RALYL: variants seen among roughly 807,000 people sequenced by gnomAD.
RALYL encodes the protein RNA-binding Raly-like protein.
In RALYL, 29 loss-of-function variants were observed where a neutral mutation model predicts 35.1. The ratio of observed to expected loss-of-function variants is 0.83; its 90% CI spans 0.61 to 1.13. The LOEUF is 1.13. Ranked by LOEUF, RALYL falls within the 50% of genes most tolerant of loss-of-function variation. RALYL has a pLI of 0.00. For synonymous variants in RALYL, 120 were observed against 127.6 expected (o/e 0.94, Z 0.40); for missense variants, 359 against 360.4 (o/e 1.00, Z 0.03).
At chr8:84,763,584 T>A (rs747731424) in intron 2 of RALYL, among the ~76,000 whole-genome samples, 11 of 152,198 alleles carry the variant, frequency 7.2e-5, no homozygotes, top group Non-Finnish European at 1.5e-4. Flanking sequence ...AGGAGGCTAC[T>A]GGTGAACACT....
intron 1 of RALYL, among the ~76,000 whole-genome samples, chr8:84,193,521 G>A (rs1814496034): frequency 6.6e-6 from 1 of 152,200 alleles, no homozygotes; most frequent in South Asian, 2.1e-4. Flanking sequence ...GCTGGAGGAT[G>A]AGGATTCTGT....
intron 1 of RALYL, among the ~76,000 whole-genome samples, chr8:84,470,282 A>G (rs1284446655): frequency 6.6e-6 from 1 of 152,202 alleles, no homozygotes. Flanking sequence ...CTTAAGGCCT[A>G]CACTATCATT....
chr8:84,326,035 C>T (rs1474499473), intron 1 of RALYL, among the ~76,000 whole-genome samples: 4 of 152,072 alleles, frequency 2.6e-5, no homozygotes, highest in Non-Finnish European at 4.4e-5. Context: ...TCCCTTGAAC[C>T]TGGGAGGCGG....
In RALYL at chr8:84,916,529, G is replaced by T. The variant is rs151004923; in HGVS notation, c.859-4365G>T. On this transcript the variant is annotated intron_variant, in intron 8 of 8. Transcript: ENST00000521268. ...TAAGATCTGATGGTGCTATAGGGGG[G>T]AGTTTCCCTGCACAGGCTCTCTCTT... 1.1e-3 allele frequency among the ~76,000 whole-genome samples: 163 copies of T among 152,048 alleles called. 3 individuals are homozygous for T. Among genetic ancestry groups the T allele is most frequent in the African/African-American group, 3.9e-3 (161 of 41,482 alleles).
chr8:84,906,532 C>A (rs944328705), intron 8 of RALYL, among the ~76,000 whole-genome samples: 4 of 152,092 alleles, frequency 2.6e-5, no homozygotes, highest in African/African-American at 7.2e-5. Context: ...GAACACATTT[C>A]ATTTAATCTG....
At chr8:84,580,073 T>C (rs1420969652) in intron 2 of RALYL, among the ~76,000 whole-genome samples, 1 of 152,208 alleles carries the variant, frequency 6.6e-6, no homozygotes, top group South Asian at 2.1e-4. Flanking sequence ...AACACTTGTA[T>C]TTTATACTTA....
At chr8:84,262,262 T>A (rs930445335) in intron 1 of RALYL, among the ~76,000 whole-genome samples, 4 of 152,194 alleles carry the variant, frequency 2.6e-5, no homozygotes, top group Non-Finnish European at 2.9e-5. Context: ...TAGTGCACTT[T>A]TTTTAAAATC....
At chr8:84,798,497 CACAAAG>C (rs1419315879) in intron 3 of RALYL, among the ~76,000 whole-genome samples, 1 of 152,100 alleles carries the variant, frequency 6.6e-6, no homozygotes, top group Non-Finnish European at 1.5e-5. Flanking sequence ...ATAATTGAGG[CACAAAG>C]AGAAGTCCCT....
chr8:84,507,553 G>T (rs2057278160), intron 1 of RALYL, among the ~76,000 whole-genome samples: 1 of 152,098 alleles, frequency 6.6e-6, no homozygotes, highest in Admixed American at 6.6e-5. Context: ...ATATTAATTT[G>T]CCATCAAGTA....
intron 1 of RALYL, among the ~76,000 whole-genome samples, chr8:84,275,731 G>T (rs75356661): frequency 0.022 from 3,364 of 151,782 alleles, 52 homozygotes; most frequent in Non-Finnish European, 0.031. Flanking sequence ...CTTTCTACTC[G>T]GTGAGATCAA....
At chr8:84,753,012 T>C (rs1410239249) in intron 2 of RALYL, among the ~76,000 whole-genome samples, 1 of 152,102 alleles carries the variant, frequency 6.6e-6, no homozygotes, top group Non-Finnish European at 1.5e-5. Flanking sequence ...GCAGCTTGCA[T>C]TGTGTGCCTG....
intron 1 of RALYL, among the ~76,000 whole-genome samples, chr8:84,479,346 T>C (rs1173467228): frequency 6.6e-6 from 1 of 152,100 alleles, no homozygotes; most frequent in African/African-American, 2.4e-5. Context: ...GACATTGTAA[T>C]CAAAGATAGG....
At chr8:84,552,356 ATATTTTTTTTT>A (rs1298806304) in intron 2 of RALYL, among the ~76,000 whole-genome samples, 1 of 49,654 alleles carries the variant, frequency 2.0e-5, no homozygotes, top group African/African-American at 8.5e-5. Context: ...ATATATATAT[ATATTTTTTTTT>A]TTTTTTTTTT....
At chr8:84,311,341 A>G (rs1842780489) in intron 1 of RALYL, among the ~76,000 whole-genome samples, 1 of 152,022 alleles carries the variant, frequency 6.6e-6, no homozygotes, top group South Asian at 2.1e-4. Context: ...CAGGCATATA[A>G]GCATTATCTT....
chr8:84,387,242 T>C (rs1463529655), intron 1 of RALYL, among the ~76,000 whole-genome samples: 1 of 151,844 alleles, frequency 6.6e-6, no homozygotes, highest in Non-Finnish European at 1.5e-5. Context: ...GCACTTAACA[T>C]GTATTATCTG....
chr8:84,845,582 T>C (rs1031365530), intron 4 of RALYL, among the ~76,000 whole-genome samples: 1 of 152,228 alleles, frequency 6.6e-6, no homozygotes, highest in Non-Finnish European at 1.5e-5. Context: ...CTTTGTCAGA[T>C]GCACAGTTTA....
chr8:84,786,903 A>G (rs1819619491), intron 3 of RALYL, among the ~76,000 whole-genome samples: 1 of 152,218 alleles, frequency 6.6e-6, no homozygotes, highest in Non-Finnish European at 1.5e-5. Context: ...TATAAACATC[A>G]TGACCAAAAC....
chr8:84,222,446 C>T (rs1025262056), intron 1 of RALYL, among the ~76,000 whole-genome samples: 8 of 152,030 alleles, frequency 5.3e-5, no homozygotes, highest in African/African-American at 1.9e-4. Context: ...ATGGTGGATG[C>T]CATAACAGAA....
intron 2 of RALYL, among the ~76,000 whole-genome samples, chr8:84,659,010 C>T (rs1017782403): frequency 6.6e-6 from 1 of 152,054 alleles, no homozygotes; most frequent in African/African-American, 2.4e-5. Flanking sequence ...CCAGGGAAGA[C>T]AGCTTACTAC....
Sources: allele counts gnomAD v4.1 joint callset (sites outside exome capture counted in the v4.1 genomes callset), GRCh38; gene constraint gnomAD v4.1.1; transcripts MANE v1.5; gene names NCBI Gene and HGNC (gene_info 2026-07-23, HGNC 2026-07-21).